KIF26B: variants seen among roughly 807,000 people sequenced by gnomAD.
KIF26B encodes the protein kinesin family member 26B.
In KIF26B, 63 loss-of-function variants were observed where a neutral mutation model predicts 151.2. The observed-to-expected ratio is 0.42, with a 90% confidence interval of 0.34 to 0.51. KIF26B has a LOEUF of 0.51. Among genes scored for constraint, KIF26B ranks in the 20% least tolerant of loss-of-function variants. KIF26B has a pLI of 0.07. For missense variants in KIF26B, 2,813 were observed against 2,913.6 expected, an observed-to-expected ratio of 0.97 and a Z score of 0.79; for synonymous variants, 1,357 against 1,262.1, an observed-to-expected ratio of 1.08 and a Z score of -1.59.
chr1:245,338,837 A>G (rs1025962205), intron 2 of KIF26B, among the ~76,000 whole-genome samples: 3 of 152,140 alleles, frequency 2.0e-5, no homozygotes, highest in Non-Finnish European at 4.4e-5. Flanking sequence ...TCACCCCCAA[A>G]GCTTACATAA....
chr1:245,393,957 T>C (rs1231682384), intron 3 of KIF26B, among the ~76,000 whole-genome samples: 2 of 152,204 alleles, frequency 1.3e-5, no homozygotes, highest in Non-Finnish European at 2.9e-5. Flanking sequence ...GGATTCGAAC[T>C]GCTTCTTAAA....
At chr1:245,683,980 C>A (rs571544090) in intron 10 of KIF26B, among the ~76,000 whole-genome samples, 2 of 152,222 alleles carry the variant, frequency 1.3e-5, no homozygotes, top group African/African-American at 4.8e-5. Flanking sequence ...CAGGAACATC[C>A]CATCACAGCC....
intron 5 of KIF26B, among the ~76,000 whole-genome samples, chr1:245,554,795 G>A (rs756591577): frequency 9.2e-5 from 14 of 152,192 alleles, no homozygotes; most frequent in Non-Finnish European, 1.8e-4. Flanking sequence ...GCGCTTTGAT[G>A]TGCTGCATGC....
chr1:245,702,400 G>A lies in KIF26B; in HGVS notation c.6179-58G>A. 6.3e-7 allele frequency: 1 copy of A among 1,598,754 alleles called. No individual in the cohort carries two copies. Among genetic ancestry groups the A allele is most frequent in the Non-Finnish European group, 8.6e-7 (1 of 1,168,394 alleles). Reference sequence around the variant, plus strand: ...GTGGCAGCTCCAGGCTGAGCCGTCGGGAGTTGCTTCTCACCCTGTTTGCTC... The same window carrying A: ...GTGGCAGCTCCAGGCTGAGCCGTCGAGAGTTGCTTCTCACCCTGTTTGCTC... On this transcript the variant is annotated intron_variant, in intron 14 of 14. Transcript: ENST00000407071. The surrounding 1 kb of genome is among the most constrained non-coding windows in gnomAD (Gnocchi z 4.1).
chr1:245,328,083 T>G (rs1672029281), intron 2 of KIF26B, among the ~76,000 whole-genome samples: 1 of 150,910 alleles, frequency 6.6e-6, no homozygotes, highest in African/African-American at 2.4e-5. Flanking sequence ...GAGTGACAGG[T>G]GAGGGTGGGC....
At chr1:245,652,102 C>CTG (rs56893913) in intron 10 of KIF26B, among the ~76,000 whole-genome samples, 25,251 of 136,018 alleles carry the variant, frequency 0.19, 2,419 homozygotes, top group Non-Finnish European at 0.21. Context: ...ATGTAAGAAT[C>CTG]TGTGTGTGTG....
intron 2 of KIF26B, among the ~76,000 whole-genome samples, chr1:245,266,987 T>C (rs1032124345): frequency 1.3e-5 from 2 of 152,234 alleles, no homozygotes; most frequent in Non-Finnish European, 2.9e-5. Flanking sequence ...CCTGGTCTTA[T>C]CCTTATCCTT....
Position 245,434,174 on chromosome 1 carries a change from C to T in KIF26B, c.1166+14429C>T, listed in dbSNP as rs536729640. Among the ~76,000 whole-genome samples the T allele has an allele frequency of 2.6e-5, 4 of 152,166 alleles. No homozygotes were observed. The South Asian group carries it at 6.2e-4, about 24-fold the overall frequency. On this transcript the variant is annotated intron_variant, in intron 4 of 14. Transcript: ENST00000407071. ...GTGGAGAAAACAGAATATTTTGTAA[C>T]ATGGCTATCCTGAATTTTAGAGGCA...
intron 9 of KIF26B, among the ~76,000 whole-genome samples, chr1:245,629,210 T>C (rs1006440595): frequency 3.3e-5 from 5 of 152,112 alleles, no homozygotes; most frequent in Non-Finnish European, 7.4e-5. Flanking sequence ...CCCATCAAAC[T>C]ACACTGACAG....
intron 4 of KIF26B, among the ~76,000 whole-genome samples, chr1:245,459,341 C>T (rs896219823): frequency 3.3e-5 from 5 of 152,178 alleles, no homozygotes; most frequent in Non-Finnish European, 5.9e-5. Context: ...CCTGTCTCCC[C>T]TCTTTTGGTT....
In KIF26B at chr1:245,414,528, G is replaced by A. The variant is rs371926593; in HGVS notation, c.1000-5051G>A. ...GGGCCTCTTTCCTTCAGAAACAGTCGGAAGTGACCAAGCTTCAGCTCCTCC... is the reference window on the plus strand; with the variant it reads ...GGGCCTCTTTCCTTCAGAAACAGTCAGAAGTGACCAAGCTTCAGCTCCTCC... On this transcript the variant is annotated intron_variant, in intron 3 of 14. Coordinates refer to ENST00000407071, the MANE Select transcript of KIF26B (RefSeq NM_018012.4). 9.4e-4 allele frequency among the ~76,000 whole-genome samples: 143 copies of A among 152,288 alleles called. 1 individual carries two copies. The highest frequency in any genetic ancestry group is 3.3e-3 in the African/African-American group (137 of 41,564).
chr1:245,168,002 C>A (rs1668641720), intron 2 of KIF26B, among the ~76,000 whole-genome samples: 1 of 152,144 alleles, frequency 6.6e-6, no homozygotes, highest in Non-Finnish European at 1.5e-5. Context: ...GAGGTGCAGT[C>A]CTGCTTCCAG....
intron 4 of KIF26B, among the ~76,000 whole-genome samples, chr1:245,503,572 T>C (rs781218418): frequency 6.6e-6 from 1 of 152,226 alleles, no homozygotes; most frequent in African/African-American, 2.4e-5. Context: ...ATGGAGAGAA[T>C]TTCTCGGTTC....
chr1:245,450,861 G>T (rs1659373444), intron 4 of KIF26B, among the ~76,000 whole-genome samples: 1 of 152,116 alleles, frequency 6.6e-6, no homozygotes, highest in Non-Finnish European at 1.5e-5. Context: ...TTTTAAGATA[G>T]ATATTTTAAG....
At chr1:245,290,760 A>G (rs1316364702) in intron 2 of KIF26B, among the ~76,000 whole-genome samples, 1 of 152,232 alleles carries the variant, frequency 6.6e-6, no homozygotes, top group Admixed American at 6.5e-5. Context: ...CCCAGCTCCT[A>G]TTCAAGATGG....
Position 245,607,748 on chromosome 1 carries a change from C to G in KIF26B, c.1651+4C>G, listed in dbSNP as rs543777126. The G allele has an allele frequency of 1.2e-6, 2 of 1,608,958 alleles. No homozygotes were observed. The highest frequency in any genetic ancestry group is 1.7e-6 in the Non-Finnish European group (2 of 1,177,476). Reference sequence around the variant, plus strand: ...TGTTTCGGCCACGCCAAACTGGGTTCGTGAGAGTTTCACTTTCTCATGCGG... The same window carrying G: ...TGTTTCGGCCACGCCAAACTGGGTTGGTGAGAGTTTCACTTTCTCATGCGG... On this transcript the variant is annotated splice_donor_region_variant and intron_variant, in intron 7 of 14. Coordinates refer to ENST00000407071, the MANE Select transcript of KIF26B (RefSeq NM_018012.4).
Position 245,688,525 on chromosome 1 carries a change from C to T in KIF26B, c.5542C>T (p.Pro1848Ser). 6.5e-7 allele frequency: 1 copy of T among 1,527,982 alleles called. No individual in the cohort carries two copies. The highest frequency in any genetic ancestry group is 8.8e-7 in the Non-Finnish European group (1 of 1,141,560). The allele number at this position is 1,527,982 out of a possible 1,614,324, so 94.7% of individuals were successfully genotyped here. A position where few individuals can be genotyped will look rare whatever the true frequency, so the allele number is the denominator to read the frequency against. Residue 1848 changes from proline to serine, a missense_variant, in exon 12 of 15, where the codon CCG (proline) becomes TCG (serine). Physicochemically the swap from Pro to Ser is moderately conservative, Grantham distance 74. Coordinates refer to ENST00000407071, the MANE Select transcript of KIF26B (RefSeq NM_018012.4). ...CGAGCCCGCGGCCGCGCACCTGCTC[C>T]CGTCGCCCTACAGCAAGATCACGCC... is the stretch of plus-strand genomic sequence containing the variant. ...EDEPAAAHLLPSPYSKITPPR... is the reference protein window; with the variant it reads ...EDEPAAAHLLSSPYSKITPPR...
At chr1:245,260,814 C>T (rs1464912423) in intron 2 of KIF26B, among the ~76,000 whole-genome samples, 1 of 152,230 alleles carries the variant, frequency 6.6e-6, no homozygotes. Flanking sequence ...AGACACACAT[C>T]ATTAAGTTTC....
intron 3 of KIF26B, among the ~76,000 whole-genome samples, chr1:245,384,072 G>C (rs2103018788): frequency 6.6e-6 from 1 of 152,300 alleles, no homozygotes. Context: ...CCTGCACAGA[G>C]AAAAACTGAA....
Sources: allele counts gnomAD v4.1 joint callset (sites outside exome capture counted in the v4.1 genomes callset), GRCh38; gene constraint gnomAD v4.1.1; non-coding constraint Gnocchi (gnomAD v3.1); transcripts MANE v1.5; gene names NCBI Gene and HGNC (gene_info 2026-07-23, HGNC 2026-07-21).